The following SLC7A2 variants were observed in gnomAD, a reference collection of about 807,000 sequenced individuals.
SLC7A2 encodes solute carrier family 7 member 2, also known as cationic amino acid transporter 2.
Under a neutral mutation model 58.9 loss-of-function variants are expected in SLC7A2, and 48 were observed. The observed-to-expected ratio is 0.82, with a 90% CI of 0.65 to 1.04. SLC7A2 has a LOEUF of 1.04. Ranked by LOEUF, SLC7A2 falls within the 50% of genes least tolerant of loss-of-function variation. SLC7A2 has a pLI of 0.00. For missense variants in SLC7A2, 1,029 were observed against 818.8 expected (o/e 1.26, Z -3.13); for synonymous variants, 363 against 314.5 (o/e 1.15, Z -1.63).
chr8:17,552,008 G>A (rs549602408), intron 7 of SLC7A2, 22 bp downstream of exon 7: 10 of 1,603,486 alleles, frequency 6.2e-6, no homozygotes, highest in Non-Finnish European at 8.5e-6. Flanking sequence ...CGCCTTTGGG[G>A]CACGGGCTGT....
chr8:17,544,300 C>T (rs1014140767), intron 3 of SLC7A2, 151 bp from the exon 4 acceptor site: 5 of 552,080 alleles, frequency 9.1e-6, no homozygotes, highest in Non-Finnish European at 1.6e-5. Context: ...CATTTGATGA[C>T]TACTGTATGA....
intron 2 of SLC7A2, among the ~76,000 whole-genome samples, chr8:17,514,788 C>G (rs2157648): frequency 0.51 from 77,925 of 152,034 alleles, 21,627 homozygotes; most frequent in Non-Finnish European, 0.62. Context: ...TACCTGAAGT[C>G]TCAGAATCAT....
intron 2 of SLC7A2, among the ~76,000 whole-genome samples, chr8:17,517,267 T>A (rs1234125446): frequency 2.0e-5 from 3 of 152,176 alleles, no homozygotes; most frequent in Admixed American, 6.5e-5. Flanking sequence ...CAGAGGTCAT[T>A]CGAAATAAAA....
At chr8:17,505,652 A>G (rs1188330635) in intron 2 of SLC7A2, among the ~76,000 whole-genome samples, 2 of 152,316 alleles carry the variant, frequency 1.3e-5, no homozygotes, top group African/African-American at 2.4e-5. Context: ...TAAACTGAGT[A>G]TTTGTAAATG....
chr8:17,544,597 C>T lies in SLC7A2; in HGVS notation c.523C>T (p.Leu175Phe). The T allele has an allele frequency of 6.2e-7, 1 of 1,613,576 alleles. No individual in the cohort carries two copies. The highest frequency in any genetic ancestry group is 8.5e-7 in the Non-Finnish European group (1 of 1,179,684). ...TTTTTTTGCTGTGTGCCTTATATTACTTCTAGCAGGTAAGAAAACCAGTTA... is the reference window on the plus strand; with the variant it reads ...TTTTTTTGCTGTGTGCCTTATATTATTTCTAGCAGGTAAGAAAACCAGTTA... ...PDFFAVCLIL[L>F]LAGLLSFGVK... The change falls in exon 4 of 13, where the codon CTT becomes TTT. Residue 175 changes from leucine to phenylalanine, a missense_variant. Coordinates refer to ENST00000494857, the MANE Select transcript of SLC7A2 (RefSeq NM_001370338.1).
At chr8:17,546,859 T>C (rs1383372996) in intron 4 of SLC7A2, among the ~76,000 whole-genome samples, 2 of 152,186 alleles carry the variant, frequency 1.3e-5, no homozygotes, top group Non-Finnish European at 2.9e-5. Context: ...CTTAGGTCCG[T>C]AATTCAAATC....
intron 2 of SLC7A2, among the ~76,000 whole-genome samples, chr8:17,537,182 G>A (rs933677196): frequency 2.6e-5 from 4 of 152,104 alleles, no homozygotes; most frequent in South Asian, 4.1e-4. Flanking sequence ...TTAGCCTCCC[G>A]AGTAGCTGGG....
At chr8:17,535,504 C>T (rs887547711) in intron 2 of SLC7A2, among the ~76,000 whole-genome samples, 1 of 152,184 alleles carries the variant, frequency 6.6e-6, no homozygotes, top group African/African-American at 2.4e-5. Flanking sequence ...CTGCAGGTGG[C>T]ACGAGGGAAG....
intron 2 of SLC7A2, among the ~76,000 whole-genome samples, chr8:17,524,723 A>T (rs1331065009): frequency 6.6e-6 from 1 of 152,100 alleles, no homozygotes; most frequent in African/African-American, 2.4e-5. Context: ...TGCTCGGGTG[A>T]TGGGTGCACC....
rs780858659 is a variant in SLC7A2, at chr8:17,543,681, C to G, written c.342C>G (p.Ile114Met). ...CTGTCGGAGAGCTGTGGGCCTTCATCACTGGCTGGAATCTCATTTTATCGT... is the reference window on the plus strand; with the variant it reads ...CTGTCGGAGAGCTGTGGGCCTTCATGACTGGCTGGAATCTCATTTTATCGT... ...YVTVGELWAF[I>M]TGWNLILSYV... The change falls in exon 3 of 13, where the codon ATC becomes ATG. Residue 114 changes from isoleucine to methionine, a missense_variant. Transcript: ENST00000494857. 2.0e-6 allele frequency: 3 copies of G among 1,521,792 alleles called. No homozygotes were observed. Among genetic ancestry groups the G allele is most frequent in the Non-Finnish European group, 2.6e-6 (3 of 1,136,060 alleles). 94.3% of individuals were successfully genotyped at this position (1,521,792 alleles called of 1,614,324 possible).
intron 2 of SLC7A2, among the ~76,000 whole-genome samples, chr8:17,525,809 G>A (rs1801200103): frequency 6.6e-6 from 1 of 152,162 alleles, no homozygotes; most frequent in South Asian, 2.1e-4. Flanking sequence ...TCCAGTGAAG[G>A]ATTCTTAAAC....
intron 4 of SLC7A2, among the ~76,000 whole-genome samples, chr8:17,545,587 G>A (rs34146412): frequency 0.14 from 20,545 of 151,420 alleles, 1,794 homozygotes; most frequent in Non-Finnish European, 0.2. Context: ...TAGTAGAGAC[G>A]GGGTTTCACT....
At chr8:17,502,414 GTTC>G (rs1800196791) in intron 2 of SLC7A2, 112 bp downstream of exon 2, 1 of 152,142 alleles carries the variant, frequency 6.6e-6, no homozygotes, top group Non-Finnish European at 1.5e-5. Context: ...AGAGGGAAGA[GTTC>G]TTCTGTTAGA....
Position 17,548,734 on chromosome 8 carries a change from G to C in SLC7A2, c.589G>C (p.Val197Leu). 6 of 1,613,744 alleles carry C rather than the reference G, an allele frequency of 3.7e-6. No homozygotes were observed. The highest frequency in any genetic ancestry group is 2.2e-5 in the East Asian group (1 of 44,852). Residue 197 changes from valine (V) to leucine (L), a missense_variant, in exon 5 of 13, where the codon GTT becomes CTT. Val to Leu is a conservative substitution (Grantham distance 32). Transcript: ENST00000494857. The stretch of plus-strand genomic sequence containing the variant: ...TTGGGTGAATAAAGTCTTCACAGCT[G>C]TTAATATTCTCGTCCTTCTGTTTGT... ...SAWVNKVFTA[V>L]NILVLLFVMV...
intron 1 of SLC7A2, among the ~76,000 whole-genome samples, chr8:17,497,466 C>A (rs1354994019): frequency 6.6e-6 from 1 of 152,182 alleles, no homozygotes; most frequent in Non-Finnish European, 1.5e-5. Flanking sequence ...AGCCGTGGAC[C>A]TTCGTCCTCG....
At chr8:17,505,636 A>G (rs950165324) in intron 2 of SLC7A2, among the ~76,000 whole-genome samples, 1 of 152,210 alleles carries the variant, frequency 6.6e-6, no homozygotes, top group African/African-American at 2.4e-5. Flanking sequence ...TTTGGCTGAG[A>G]TAATTTAAAC....
intron 12 of SLC7A2, among the ~76,000 whole-genome samples, chr8:17,564,595 A>G (rs1244317448): frequency 6.6e-6 from 1 of 152,126 alleles, no homozygotes; most frequent in African/African-American, 2.4e-5. Context: ...ATCAGGCATT[A>G]GTTAGATTCT....
intron 2 of SLC7A2, among the ~76,000 whole-genome samples, chr8:17,510,176 C>T (rs1800544286): frequency 6.6e-6 from 1 of 151,966 alleles, no homozygotes; most frequent in Non-Finnish European, 1.5e-5. Context: ...GCCAAGATAG[C>T]ACCGCTGCAC....
At chr8:17,520,640 T>G (rs1337844727) in intron 2 of SLC7A2, 1 of 44,598 alleles carries the variant, frequency 2.2e-5, no homozygotes, top group Non-Finnish European at 3.3e-5. Context: ...GACTCTGTCT[T>G]TAAAAAAAAA....
Sources: allele counts gnomAD v4.1 joint callset (sites outside exome capture counted in the v4.1 genomes callset), GRCh38; gene constraint gnomAD v4.1.1; transcripts MANE v1.5; gene names NCBI Gene and HGNC (gene_info 2026-07-23, HGNC 2026-07-21).